The following C10orf90 variants were observed in gnomAD, a reference collection of about 807,000 sequenced individuals.
The protein encoded by C10orf90 is (E2-independent) E3 ubiquitin-conjugating enzyme FATS.
C10orf90 carries 56 observed loss-of-function variants against 62.5 expected under a neutral mutation model. The observed-to-expected ratio is 0.90, with a 90% CI of 0.72 to 1.12. The LOEUF (loss-of-function observed/expected upper bound fraction) is 1.12. Among genes scored for constraint, C10orf90 ranks in the 50% most tolerant of loss-of-function variants. C10orf90 has a pLI of 0.00. For synonymous variants in C10orf90, 386 were observed against 340.4 expected, an observed-to-expected ratio of 1.13 and a Z score of -1.47; for missense variants, 970 against 880.4, an observed-to-expected ratio of 1.10 and a Z score of -1.29.
chr10:126,429,710 T>C (rs1857461834), intron 8 of C10orf90, 77 bp downstream of exon 8: 7 of 1,198,000 alleles, frequency 5.8e-6, no homozygotes, highest in Non-Finnish European at 8.7e-6. Flanking sequence ...AGTGGTCCCA[T>C]TGGAGGGCAC....
intron 2 of C10orf90, among the ~76,000 whole-genome samples, chr10:126,561,439 A>G (rs532745679): frequency 2.0e-4 from 30 of 152,296 alleles, no homozygotes; most frequent in African/African-American, 7.0e-4. Context: ...TGCAGCTCAC[A>G]GAGGAGACTG....
Position 126,429,277 on chromosome 10 carries a change from C to T in C10orf90, c.2252+510G>A, listed in dbSNP as rs563607204. Among the ~76,000 whole-genome samples the T allele has an allele frequency of 2.0e-4, 30 of 152,202 alleles. 1 individual carries two copies. The highest frequency in any genetic ancestry group is 5.3e-4 in the African/African-American group (22 of 41,530). ...AAGGAGGATGTGTTGGCAGCATGGC[C>T]GCCAGGTCTGCTGGAGACAGAGTAC... On this transcript the variant is annotated intron_variant, in intron 8 of 9. Coordinates refer to ENST00000488181, the MANE Select transcript of C10orf90 (RefSeq NM_001350921.2).
chr10:126,565,133 A>AAATATTATATTACATAATATGT (rs1844319172), intron 2 of C10orf90, among the ~76,000 whole-genome samples: 1 of 21,708 alleles, frequency 4.6e-5, no homozygotes, highest in East Asian at 1.5e-3. Flanking sequence ...TATATAATAT[A>AAATATTATATTACATAATATGT]AATATAATAT....
chr10:126,658,485 G>T (rs373082238), intron 1 of C10orf90, among the ~76,000 whole-genome samples: 3 of 152,152 alleles, frequency 2.0e-5, no homozygotes, highest in African/African-American at 4.8e-5. Flanking sequence ...ACATATATGC[G>T]TCTATAAGCT....
At chr10:126,497,852 C>T (rs1466871385) in intron 4 of C10orf90, among the ~76,000 whole-genome samples, 2 of 152,204 alleles carry the variant, frequency 1.3e-5, no homozygotes, top group African/African-American at 4.8e-5. Flanking sequence ...AAACAGGCAG[C>T]AGGCTGGACT....
chr10:126,576,763 G>GTATATGTACATATACATA (rs1844634374), intron 2 of C10orf90, among the ~76,000 whole-genome samples: 2 of 120,528 alleles, frequency 1.7e-5, no homozygotes, highest in African/African-American at 6.9e-5. Context: ...TAGATAATAT[G>GTATATGTACATATACATA]TATATGTACA....
rs879350755 is a variant in C10orf90, at chr10:126,512,406, GTGTGTC to G, written c.405+1436_405+1441del. ...TGTGTCTGTGTGTGTGTGTGTGTCT[GTGTGTC>G]TGTGTGTGTGTGTGTGTGTTACAGG... On this transcript the variant is annotated intron_variant, in intron 3 of 9. Transcript: ENST00000488181. Among the ~76,000 whole-genome samples the G allele has an allele frequency of 8.4e-3, 1,162 of 138,652 alleles. 18 individuals carry two copies. The highest frequency in any genetic ancestry group is 0.016 in the African/African-American group (520 of 32,040). 91.0% of individuals were successfully genotyped at this position (138,652 alleles called of 152,430 possible). A position where few individuals can be genotyped will look rare whatever the true frequency, so the allele number is the denominator to read the frequency against.
chr10:126,531,011 TA>T (rs1450764404), intron 2 of C10orf90, among the ~76,000 whole-genome samples: 1 of 151,622 alleles, frequency 6.6e-6, no homozygotes, highest in East Asian at 1.9e-4. Flanking sequence ...CTGTCTCTAC[TA>T]AAAATACAAA....
intron 2 of C10orf90, among the ~76,000 whole-genome samples, chr10:126,522,257 A>G (rs77971712): frequency 0.028 from 3,740 of 134,642 alleles, 73 homozygotes; most frequent in Middle Eastern, 0.045. Flanking sequence ...AACAAGAGTG[A>G]AACTCCATTT....
At chr10:126,575,180 G>A (rs1190540998) in intron 2 of C10orf90, among the ~76,000 whole-genome samples, 1 of 151,910 alleles carries the variant, frequency 6.6e-6, no homozygotes, top group Non-Finnish European at 1.5e-5. Context: ...TAAATAAAGG[G>A]CATTTAAATT....
In C10orf90 at chr10:126,495,905, G is replaced by T. The variant is rs542779608; in HGVS notation, c.1534+8052C>A. On this transcript the variant is annotated intron_variant, in intron 4 of 9. Transcript: ENST00000488181. ...GAAGACTAATGATAATTACAAAATG[G>T]TTTGAGTCCCCACCATGAGCCCAAC... 1.2e-4 allele frequency among the ~76,000 whole-genome samples: 18 copies of T among 152,206 alleles called. No homozygotes were observed. The South Asian group carries it at 3.3e-3, about 28-fold the overall frequency.
chr10:126,595,813 C>T (rs77277903), intron 2 of C10orf90, among the ~76,000 whole-genome samples: 2,022 of 152,238 alleles, frequency 0.013, 37 homozygotes, highest in African/African-American at 0.045. Flanking sequence ...GGGTCCACAT[C>T]TCTAGCTCAG....
chr10:126,558,797 G>T (rs972635977), intron 2 of C10orf90, among the ~76,000 whole-genome samples: 1 of 152,240 alleles, frequency 6.6e-6, no homozygotes, highest in Admixed American at 6.5e-5. Context: ...CCCAACCAGA[G>T]TTGGGCTCCC....
intron 2 of C10orf90, among the ~76,000 whole-genome samples, chr10:126,547,686 C>G (rs560583414): frequency 1.3e-5 from 2 of 151,842 alleles, no homozygotes; most frequent in Non-Finnish European, 2.9e-5. Flanking sequence ...ATAATGGAAA[C>G]TGTAAGAGGG....
intron 7 of C10orf90, among the ~76,000 whole-genome samples, chr10:126,443,170 A>G (rs1022600650): frequency 2.4e-4 from 37 of 152,280 alleles, no homozygotes; most frequent in African/African-American, 8.4e-4. Flanking sequence ...ATCAAAGCAG[A>G]ACTAAATGAG....
At chr10:126,602,691 C>A (rs1289780029) in intron 2 of C10orf90, among the ~76,000 whole-genome samples, 1 of 151,918 alleles carries the variant, frequency 6.6e-6, no homozygotes, top group East Asian at 1.9e-4. Context: ...GGCAATTTAA[C>A]CCCTCAAAAA....
chr10:126,656,737 G>A (rs1846402748), intron 1 of C10orf90, among the ~76,000 whole-genome samples: 1 of 152,168 alleles, frequency 6.6e-6, no homozygotes, highest in African/African-American at 2.4e-5. Flanking sequence ...TCGGCTTGTG[G>A]AAATGGCCTA....
At chr10:126,547,139 G>T (rs114051085) in intron 2 of C10orf90, among the ~76,000 whole-genome samples, 4 of 150,056 alleles carry the variant, frequency 2.7e-5, no homozygotes, top group African/African-American at 7.4e-5. Flanking sequence ...ACAAAAAAAG[G>T]CCGGGCGTTG....
chr10:126,573,623 C>G (rs190677796), intron 2 of C10orf90, among the ~76,000 whole-genome samples: 1 of 152,162 alleles, frequency 6.6e-6, no homozygotes, highest in Non-Finnish European at 1.5e-5. Context: ...AGCCCCCACA[C>G]TTCTGTACTT....
Sources: gnomAD v4.1 joint callset for allele counts (sites outside exome capture counted in the v4.1 genomes callset) on GRCh38, gnomAD v4.1.1 for gene constraint, MANE v1.5 for transcripts, NCBI Gene and HGNC (gene_info 2026-07-23, HGNC 2026-07-21) for gene names.